Variants in ZNF423 observed in about 807,000 individuals in gnomAD.
ZNF423 encodes zinc finger protein 423.
ZNF423 carries 12 observed loss-of-function variants against 95.8 expected under a neutral mutation model. The ratio of observed to expected loss-of-function variants is 0.13; its 90% confidence interval spans 0.08 to 0.20. The LOEUF (loss-of-function observed/expected upper bound fraction) is 0.20, where lower values mean the gene tolerates loss of function less well. ZNF423 is among the 10% of genes least tolerant of loss of function. The probability of loss-of-function intolerance (pLI) is 1.00; values close to 1 mark genes in which losing one functional copy is unlikely to be tolerated. For synonymous variants in ZNF423, 749 were observed against 711.9 expected, an observed-to-expected ratio of 1.05 and a Z score of -0.83; for missense variants, 1,316 against 1,737.1, an observed-to-expected ratio of 0.76 and a Z score of 4.31.
In ZNF423 at chr16:49,492,132, ACTGGGGGTG is replaced by A. The variant is rs1319456413; in HGVS notation, c.3850-837_3850-829del. On this transcript the variant is annotated intron_variant, in intron 7 of 7. Coordinates refer to ENST00000563137, the MANE Select transcript of ZNF423 (RefSeq NM_001379286.1). The surrounding 1 kb of genome is among the most constrained non-coding windows in gnomAD (Gnocchi z 4.2). Reference sequence around the variant, plus strand: ...GTTTCACAGGAGCCAGCGGCCTGGGACTGGGGGTGGGATTTGGCATCTGAAAGCCGTCTT... The same window carrying A: ...GTTTCACAGGAGCCAGCGGCCTGGGAGGATTTGGCATCTGAAAGCCGTCTT... Among the ~76,000 whole-genome samples the A allele has an allele frequency of 6.6e-6, 1 of 152,110 alleles. No individual in the cohort carries two copies.
intron 5 of ZNF423, among the ~76,000 whole-genome samples, chr16:49,602,793 C>T (rs924758719): frequency 6.6e-6 from 1 of 152,174 alleles, no homozygotes; most frequent in African/African-American, 2.4e-5. Flanking sequence ...CCGCAAAAGT[C>T]TCCAAACCGA....
At chr16:49,721,565 C>A (rs1320039009) in intron 3 of ZNF423, among the ~76,000 whole-genome samples, 1 of 152,120 alleles carries the variant, frequency 6.6e-6, no homozygotes, top group Non-Finnish European at 1.5e-5. Flanking sequence ...GGACAGCCCA[C>A]CTCGCTCCCC....
At chr16:49,843,224 G>C (rs1343541253) in intron 1 of ZNF423, among the ~76,000 whole-genome samples, 1 of 152,128 alleles carries the variant, frequency 6.6e-6, no homozygotes, top group Non-Finnish European at 1.5e-5. Context: ...GATACTCCCT[G>C]CATCATCATT....
upstream of ZNF423, among the ~76,000 whole-genome samples, chr16:49,856,351 G>A: frequency 6.7e-6 from 1 of 149,002 alleles, no homozygotes; most frequent in Non-Finnish European, 1.5e-5. Flanking sequence ...GGGGGAACGG[G>A]GCTGGAGTCG....
chr16:49,821,253 G>C (rs1448150622), intron 1 of ZNF423, among the ~76,000 whole-genome samples: 1 of 152,054 alleles, frequency 6.6e-6, no homozygotes, highest in African/African-American at 2.4e-5. Context: ...CCCACAGGGT[G>C]GTGGGGCGGG....
intron 7 of ZNF423, among the ~76,000 whole-genome samples, chr16:49,504,569 G>A (rs1004825786): frequency 6.6e-6 from 1 of 152,192 alleles, no homozygotes; most frequent in Non-Finnish European, 1.5e-5. Context: ...GTGACAAAAT[G>A]AGACTCTGTC....
chr16:49,563,171 G>A lies in ZNF423; in HGVS notation c.3602-37677C>T, dbSNP rs73580516. 9.2e-3 allele frequency among the ~76,000 whole-genome samples: 1,405 copies of A among 152,320 alleles called. 25 individuals are homozygous for A. Among genetic ancestry groups the A allele is most frequent in the African/African-American group, 0.032 (1,349 of 41,576 alleles). On this transcript the variant is annotated intron_variant, in intron 5 of 7. Coordinates refer to ENST00000563137, the MANE Select transcript of ZNF423 (RefSeq NM_001379286.1). ...TTCAAATCTAATCCCCAGTGTGGTC[G>A]TGTTGGGAGCTGGGATCCAGTGGGA...
chr16:49,677,315 G>GAAGAGAA (rs1567284183), intron 3 of ZNF423, among the ~76,000 whole-genome samples: 8 of 17,632 alleles, frequency 4.5e-4, no homozygotes, highest in Non-Finnish European at 5.4e-4. Flanking sequence ...AGAGAAAGGA[G>GAAGAGAA]GGGAAGGGAG....
chr16:49,688,510 C>G (rs183276277), intron 3 of ZNF423, among the ~76,000 whole-genome samples: 1 of 152,120 alleles, frequency 6.6e-6, no homozygotes, highest in African/African-American at 2.4e-5. Context: ...GCTGGCAGCC[C>G]GGGCGGCTCC....
intron 2 of ZNF423, among the ~76,000 whole-genome samples, chr16:49,748,402 A>AT (rs1161194377): frequency 1.3e-5 from 2 of 152,186 alleles, no homozygotes; most frequent in Non-Finnish European, 2.9e-5. Context: ...GTATGCTGAG[A>AT]TTGTGAGTCA....
At chr16:49,559,601 G>A (rs936426493) in intron 5 of ZNF423, among the ~76,000 whole-genome samples, 2 of 152,210 alleles carry the variant, frequency 1.3e-5, no homozygotes, top group Non-Finnish European at 2.9e-5. Context: ...TCCTTGTCAA[G>A]GAAGAAGAGT....
chr16:49,833,993 G>A lies in ZNF423; in HGVS notation c.40+21742C>T, dbSNP rs185965637. On this transcript the variant is annotated intron_variant, in intron 1 of 7. Transcript: ENST00000563137. ...TGGGGCGGGCAGTGGCCTTGGCTTC[G>A]CACAGCCTGTCACAGGGCAGGCGGC... 2.0e-3 allele frequency among the ~76,000 whole-genome samples: 303 copies of A among 152,298 alleles called. 2 individuals carry two copies. Among genetic ancestry groups the A allele is most frequent in the South Asian group, 0.011 (55 of 4,826 alleles).
In ZNF423 at chr16:49,740,009, C is replaced by A. The variant is rs910532821; in HGVS notation, c.101-9038G>T. On this transcript the variant is annotated intron_variant, in intron 2 of 7. Transcript: ENST00000563137. ...GAGTAGCTGGGATTACAGGCGCCTG[C>A]CAACGCACTCGGCTAGACCCAGGTA... Among the ~76,000 whole-genome samples, 5 of 152,076 alleles carry A rather than the reference C, an allele frequency of 3.3e-5. 1 individual carries two copies. The highest frequency in any genetic ancestry group is 3.3e-4 in the Admixed American group (5 of 15,276).
rs968701126 is a variant in ZNF423, at chr16:49,489,069, T to C, written c.*2206A>G. On this transcript the variant is annotated 3_prime_UTR_variant, in exon 8 of 8. Coordinates refer to ENST00000563137, the MANE Select transcript of ZNF423 (RefSeq NM_001379286.1). ...ATTCCCACATGGCGTGAAAAGCTCT[T>C]AAACCCCCCGCTGTATTTTTAATGG... 6 of 152,244 alleles carry C rather than the reference T, an allele frequency of 3.9e-5. No homozygotes were observed. Among genetic ancestry groups the C allele is most frequent in the African/African-American group, 4.8e-5 (2 of 41,452 alleles). The allele number at this position is 152,244 out of a possible 1,614,324, so 9.4% of individuals were successfully genotyped here.
At chr16:49,795,947 C>T (rs1774394678) in intron 1 of ZNF423, among the ~76,000 whole-genome samples, 1 of 152,160 alleles carries the variant, frequency 6.6e-6, no homozygotes, top group African/African-American at 2.4e-5. Context: ...CTCAAAGAGG[C>T]CAGAGGGCCC....
intron 3 of ZNF423, among the ~76,000 whole-genome samples, chr16:49,701,021 G>A (rs1205767302): frequency 6.6e-6 from 1 of 152,192 alleles, no homozygotes; most frequent in Non-Finnish European, 1.5e-5. Context: ...CTCTCTCAAT[G>A]TTATTTTCTT....
intron 5 of ZNF423, among the ~76,000 whole-genome samples, chr16:49,589,925 C>T (rs528069133): frequency 1.3e-4 from 19 of 151,824 alleles, no homozygotes; most frequent in African/African-American, 3.6e-4. Flanking sequence ...GGCGCAAACA[C>T]AAATGAGTGT....
chr16:49,716,818 C>T (rs574897619), intron 3 of ZNF423, among the ~76,000 whole-genome samples: 2 of 152,192 alleles, frequency 1.3e-5, no homozygotes, highest in South Asian at 2.1e-4. Context: ...AAGTGGAATC[C>T]GCATTACGGG....
intron 3 of ZNF423, among the ~76,000 whole-genome samples, chr16:49,678,874 T>C (rs1250661502): frequency 2.0e-5 from 3 of 152,238 alleles, no homozygotes; most frequent in Non-Finnish European, 4.4e-5. Context: ...TGACATGAGA[T>C]ACAGGAATCA....
Sources: gnomAD v4.1 joint callset for allele counts (sites outside exome capture counted in the v4.1 genomes callset) on GRCh38, gnomAD v4.1.1 for gene constraint, Gnocchi (gnomAD v3.1) non-coding constraint, MANE v1.5 for transcripts, NCBI Gene and HGNC (gene_info 2026-07-23, HGNC 2026-07-21) for gene names.